HDAC8: variants seen among roughly 807,000 people sequenced by gnomAD.
HDAC8 encodes the protein histone deacetylase-like 1.
In HDAC8, 1 loss-of-function variant was observed where a neutral mutation model predicts 32.2. That is an observed-to-expected ratio of 0.03 (90% CI 0.01 to 0.15). The LOEUF (loss-of-function observed/expected upper bound fraction) is 0.15, where lower values mean the gene tolerates loss of function less well. Among genes scored for constraint, HDAC8 ranks in the 10% least tolerant of loss-of-function variants. The pLI, the probability that HDAC8 is intolerant of heterozygous loss-of-function variation, is 1.00. For missense variants in HDAC8, 117 were observed against 300.0 expected (o/e 0.39, Z 4.51); for synonymous variants, 108 against 113.9 (o/e 0.95, Z 0.33).
At chrX:72,513,336 T>A (rs1603136710) in intron 4 of HDAC8, among the ~76,000 whole-genome samples, 1 of 110,012 alleles carries the variant, frequency 9.1e-6, no homozygotes, top group Non-Finnish European at 1.9e-5. Flanking sequence ...TACTTTTTTT[T>A]TTTTTTTGAG....
intron 9 of HDAC8, among the ~76,000 whole-genome samples, chrX:72,369,926 G>C (rs1323614378): frequency 1.8e-5 from 2 of 112,497 alleles, no homozygotes; most frequent in East Asian, 5.6e-4. Context: ...GATGGAGGTG[G>C]GGATTAGGGG....
At chrX:72,487,367 G>C (rs1261509311) in intron 7 of HDAC8, among the ~76,000 whole-genome samples, 1 of 111,717 alleles carries the variant, frequency 9.0e-6, no homozygotes, top group Non-Finnish European at 1.9e-5. Flanking sequence ...TATTTTTTCT[G>C]ACTGAAGAAG....
chrX:72,499,287 T>C (rs782392754), intron 4 of HDAC8, among the ~76,000 whole-genome samples: 1 of 111,938 alleles, frequency 8.9e-6, no homozygotes, highest in Admixed American at 9.5e-5. Context: ...CTGGATCTGA[T>C]AGACCTCTAC....
chrX:72,480,339 A>C (rs1206789979), intron 7 of HDAC8: 3 of 325,317 alleles, frequency 9.2e-6, no homozygotes, highest in African/African-American at 5.3e-5. Context: ...ATTTTTTATC[A>C]GTTCTTAGAT....
At chrX:72,439,502 A>G (rs2047052702) in intron 9 of HDAC8, among the ~76,000 whole-genome samples, 1 of 110,925 alleles carries the variant, frequency 9.0e-6, no homozygotes, top group African/African-American at 3.3e-5. Context: ...TGCCCCAATT[A>G]AAAGACAAAG....
At chrX:72,548,688 C>A (rs1182962871) in intron 4 of HDAC8, among the ~76,000 whole-genome samples, 2 of 110,205 alleles carry the variant, frequency 1.8e-5, no homozygotes, top group African/African-American at 6.6e-5. Context: ...TCTTCTCTCT[C>A]TCTCTCTCTC....
At position 72,462,025 on chromosome X, in the gene HDAC8, G is replaced by A. The variant is rs782234700; in HGVS notation, c.984C>T (p.Ser328=). 1.5e-5 allele frequency: 18 copies of A among 1,207,196 alleles called. No homozygotes were observed. The South Asian group carries it at 2.8e-4, about 19-fold the overall frequency. The change falls in exon 9 of 11, where the codon TCC becomes TCT. Residue 328 remains serine (S), a synonymous_variant. Transcript: ENST00000373573. ...LTGVILGKTL[S]SEIPDHEFFT... is the part of the protein sequence containing the mutation. The stretch of plus-strand genomic sequence containing the variant: ...TTACCTCATGATCTGGGATCTCAGA[G>A]GATAGTGTTTTCCCTAGGATGACCC...
At chrX:72,479,094 T>C (rs1184320884) in intron 7 of HDAC8, among the ~76,000 whole-genome samples, 1 of 111,915 alleles carries the variant, frequency 8.9e-6, no homozygotes, top group African/African-American at 3.2e-5. Flanking sequence ...TTTAACTAAA[T>C]CTCTGTATAG....
chrX:72,567,099 C>T (rs1231285464), intron 4 of HDAC8, among the ~76,000 whole-genome samples: 7 of 112,006 alleles, frequency 6.2e-5, no homozygotes, highest in African/African-American at 1.9e-4. Context: ...AAGCTGAGAT[C>T]GCGCAACTGC....
intron 9 of HDAC8, among the ~76,000 whole-genome samples, chrX:72,430,106 C>A (rs1450315158): frequency 1.8e-5 from 2 of 112,247 alleles, no homozygotes; most frequent in Non-Finnish European, 3.8e-5. Context: ...TTCTTTCCTC[C>A]TTTTGGATGT....
intron 7 of HDAC8, among the ~76,000 whole-genome samples, chrX:72,469,637 C>A (rs1187365018): frequency 8.9e-6 from 1 of 112,000 alleles, no homozygotes. Flanking sequence ...CTGGAGGAAG[C>A]TGAGAAATCA....
Position 72,572,800 on chromosome X carries a change from T to G in HDAC8, c.-39A>C. On this transcript the variant is annotated 5_prime_UTR_variant, in exon 1 of 11. Transcript: ENST00000373573. ...CCGTTCCGCAGCCACCTTCCAGATC[T>G]GGCTTTTTTCGGACTCGGCCAGGGT... 8.7e-7 allele frequency: 1 copy of G among 1,144,038 alleles called. No individual in the cohort carries two copies. Among genetic ancestry groups the G allele is most frequent in the South Asian group, 1.8e-5 (1 of 55,273 alleles). 94.3% of individuals were successfully genotyped at this position (1,144,038 alleles called of 1,213,427 possible). A position where few individuals can be genotyped will look rare whatever the true frequency, so the allele number is the denominator to read the frequency against.
At chrX:72,516,845 C>T (rs993213030) in intron 4 of HDAC8, among the ~76,000 whole-genome samples, 4 of 112,358 alleles carry the variant, frequency 3.6e-5, no homozygotes, top group African/African-American at 1.3e-4. Context: ...GTCCATAAGG[C>T]CTTGTATGAT....
chrX:72,409,889 A>T (rs991398634), intron 9 of HDAC8, among the ~76,000 whole-genome samples: 10 of 112,577 alleles, frequency 8.9e-5, no homozygotes, highest in Admixed American at 2.8e-4. Flanking sequence ...TTTCATCCCC[A>T]GTGGCTAGTA....
intron 4 of HDAC8, among the ~76,000 whole-genome samples, chrX:72,499,615 C>G (rs1269035079): frequency 1.8e-5 from 2 of 111,783 alleles, no homozygotes; most frequent in Non-Finnish European, 3.8e-5. Flanking sequence ...AGATACAATA[C>G]ACCAGAATCT....
intron 9 of HDAC8, among the ~76,000 whole-genome samples, chrX:72,430,479 T>G (rs1267037191): frequency 8.9e-6 from 1 of 112,419 alleles, no homozygotes; most frequent in Non-Finnish European, 1.9e-5. Flanking sequence ...ACTAGTTTCT[T>G]TCAGCGTTAG....
intron 7 of HDAC8, among the ~76,000 whole-genome samples, chrX:72,485,427 C>T (rs1274655128): frequency 9.0e-6 from 1 of 111,568 alleles, no homozygotes; most frequent in Non-Finnish European, 1.9e-5. Flanking sequence ...TACAAAAAAA[C>T]TCTAAGCCAA....
intron 9 of HDAC8, among the ~76,000 whole-genome samples, chrX:72,404,435 C>G (rs1249615004): frequency 7.2e-5 from 8 of 110,716 alleles, no homozygotes; most frequent in African/African-American, 2.6e-4. Context: ...AAATTCCATG[C>G]TTTTTGTCTT....
chrX:72,399,993 T>C (rs782816814), intron 9 of HDAC8, among the ~76,000 whole-genome samples: 52 of 111,743 alleles, frequency 4.7e-4, no homozygotes, highest in African/African-American at 1.7e-3. Context: ...TCAGTTCTCA[T>C]CTTACTTGAT....
Sources: gnomAD v4.1 joint callset for allele counts (sites outside exome capture counted in the v4.1 genomes callset) on GRCh38, gnomAD v4.1.1 for gene constraint, MANE v1.5 for transcripts, NCBI Gene and HGNC (gene_info 2026-07-23, HGNC 2026-07-21) for gene names.